Variants in AKAP6 observed in about 807,000 individuals in gnomAD.
AKAP6 encodes A-kinase anchor protein 6.
AKAP6 carries 58 observed loss-of-function variants against 188.5 expected under a neutral mutation model. The ratio of observed to expected loss-of-function variants is 0.31; its 90% confidence interval spans 0.25 to 0.38. The LOEUF (loss-of-function observed/expected upper bound fraction) is 0.38. Ranked by LOEUF, AKAP6 falls within the 10% of genes least tolerant of loss-of-function variation. AKAP6 has a pLI of 1.00. For synonymous variants in AKAP6, 989 were observed against 998.6 expected (o/e 0.99, Z 0.18); for missense variants, 2,710 against 2,740.0 (o/e 0.99, Z 0.24).
At chr14:32,577,294 A>C (rs1408452029) in intron 5 of AKAP6, 52 bp downstream of exon 5, 1 of 1,577,786 alleles carries the variant, frequency 6.3e-7, no homozygotes, top group Non-Finnish European at 8.6e-7. Context: ...ATTTTAATGT[A>C]CTGCTTGTTT....
intron 11 of AKAP6, among the ~76,000 whole-genome samples, chr14:32,758,421 A>G (rs2032418991): frequency 6.6e-6 from 1 of 152,208 alleles, no homozygotes; most frequent in African/African-American, 2.4e-5. Context: ...ATAAACCTGT[A>G]TCATTTGATG....
intron 12 of AKAP6, among the ~76,000 whole-genome samples, chr14:32,810,642 C>A (rs942234548): frequency 6.6e-6 from 1 of 152,158 alleles, no homozygotes; most frequent in African/African-American, 2.4e-5. Flanking sequence ...TTCAAGCAAC[C>A]TTTCTAGCAT....
intron 2 of AKAP6, among the ~76,000 whole-genome samples, chr14:32,451,865 A>G (rs1890946028): frequency 6.6e-6 from 1 of 152,014 alleles, no homozygotes. Flanking sequence ...AATTGTATAG[A>G]ATTCTATTGG....
At chr14:32,330,152 A>G (rs1886486725) in intron 1 of AKAP6, among the ~76,000 whole-genome samples, 1 of 152,046 alleles carries the variant, frequency 6.6e-6, no homozygotes, top group African/African-American at 2.4e-5. Context: ...CGGCAGTTGC[A>G]GTGAAGGGTA....
chr14:32,348,249 G>T (rs946524436), intron 1 of AKAP6, among the ~76,000 whole-genome samples: 1 of 152,156 alleles, frequency 6.6e-6, no homozygotes, highest in Non-Finnish European at 1.5e-5. Context: ...CCAGAAGAAT[G>T]TAGGTTTTAG....
intron 2 of AKAP6, among the ~76,000 whole-genome samples, chr14:32,475,910 C>T (rs1656979723): frequency 6.6e-6 from 1 of 151,880 alleles, no homozygotes; most frequent in Non-Finnish European, 1.5e-5. Context: ...GTCTCGATCT[C>T]CTGACCTCAT....
chr14:32,472,889 T>G (rs1444865647), intron 2 of AKAP6, among the ~76,000 whole-genome samples: 6 of 142,286 alleles, frequency 4.2e-5, no homozygotes, highest in Non-Finnish European at 9.7e-5. Flanking sequence ...CTGTTTGTAT[T>G]AAAGGAAAAA....
At chr14:32,556,000 G>A (rs2891205) in intron 4 of AKAP6, among the ~76,000 whole-genome samples, 76,500 of 150,624 alleles carry the variant, frequency 0.51, 21,765 homozygotes, top group African/African-American at 0.78. Flanking sequence ...TGAGGATCAT[G>A]TATATTTTTT....
Position 32,716,073 on chromosome 14 carries a change from C to G in AKAP6, c.3001-16381C>G, listed in dbSNP as rs181676801. On this transcript the variant is annotated intron_variant, in intron 9 of 13. Transcript: ENST00000280979. ...TGAGCAACTAAGGCACAGGGAAGCA[C>G]ACAGCTAGTAAGCAATGCAAGCAAA... 6.4e-3 allele frequency among the ~76,000 whole-genome samples: 972 copies of G among 152,090 alleles called. 34 individuals are homozygous for G. Among genetic ancestry groups the G allele is most frequent in the Admixed American group, 0.049 (745 of 15,252 alleles).
intron 2 of AKAP6, among the ~76,000 whole-genome samples, chr14:32,490,648 C>A (rs1404300995): frequency 6.6e-6 from 1 of 152,106 alleles, no homozygotes; most frequent in Non-Finnish European, 1.5e-5. Flanking sequence ...GTCCCTGCAG[C>A]ACTGAAAATG....
intron 11 of AKAP6, among the ~76,000 whole-genome samples, chr14:32,767,748 A>T (rs1232286572): frequency 6.6e-6 from 1 of 152,146 alleles, no homozygotes; most frequent in Non-Finnish European, 1.5e-5. Flanking sequence ...TTTTAGTCCC[A>T]TGAATCCTAA....
At chr14:32,699,550 A>C (rs568292913) in intron 9 of AKAP6, among the ~76,000 whole-genome samples, 19 of 152,300 alleles carry the variant, frequency 1.2e-4, no homozygotes, top group Admixed American at 3.3e-4. Context: ...GAGCAACCTA[A>C]TTCCTATTAA....
intron 1 of AKAP6, among the ~76,000 whole-genome samples, chr14:32,350,532 G>C (rs1412802774): frequency 3.3e-5 from 5 of 152,072 alleles, no homozygotes; most frequent in Non-Finnish European, 7.4e-5. Context: ...TAGGTCCTGG[G>C]ACTGCAAGAG....
intron 5 of AKAP6, among the ~76,000 whole-genome samples, chr14:32,590,841 G>A (rs1340906053): frequency 6.6e-6 from 1 of 152,082 alleles, no homozygotes; most frequent in Non-Finnish European, 1.5e-5. Context: ...AAAATATGAA[G>A]ACGGTATGAC....
At chr14:32,632,182 A>AAACAAT (rs1887302313) in intron 7 of AKAP6, among the ~76,000 whole-genome samples, 1 of 152,030 alleles carries the variant, frequency 6.6e-6, no homozygotes, top group South Asian at 2.1e-4. Context: ...TTGTCCAGGT[A>AAACAAT]AACAATAACA....
chr14:32,666,526 A>ATAAT (rs1457245991), intron 7 of AKAP6, among the ~76,000 whole-genome samples: 10 of 152,096 alleles, frequency 6.6e-5, no homozygotes, highest in African/African-American at 2.2e-4. Flanking sequence ...AAGACATCCT[A>ATAAT]TAATTGCCTT....
intron 1 of AKAP6, among the ~76,000 whole-genome samples, chr14:32,382,240 G>A (rs1052318423): frequency 6.6e-6 from 1 of 151,684 alleles, no homozygotes; most frequent in African/African-American, 2.4e-5. Context: ...TTTGTCTCTG[G>A]AATTCTGCTT....
intron 11 of AKAP6, among the ~76,000 whole-genome samples, chr14:32,750,739 T>TTG (rs1372289442): frequency 6.9e-6 from 1 of 144,118 alleles, no homozygotes; most frequent in Non-Finnish European, 1.5e-5. Context: ...TTAATTTTGT[T>TTG]TTTTTTTTTT....
intron 8 of AKAP6, among the ~76,000 whole-genome samples, chr14:32,692,927 G>A (rs938276905): frequency 6.6e-6 from 1 of 152,076 alleles, no homozygotes; most frequent in African/African-American, 2.4e-5. Context: ...CAGAGTTCAG[G>A]CTCTTAGACA....
Sources: gnomAD v4.1 joint callset for allele counts (sites outside exome capture counted in the v4.1 genomes callset) on GRCh38, gnomAD v4.1.1 for gene constraint, MANE v1.5 for transcripts, NCBI Gene and HGNC (gene_info 2026-07-23, HGNC 2026-07-21) for gene names.